The following PCLO variants were observed in gnomAD, a reference collection of about 807,000 sequenced individuals.
The protein encoded by PCLO is protein piccolo.
In PCLO, 82 loss-of-function variants were observed where a neutral mutation model predicts 427.5. That is an observed-to-expected ratio of 0.19 (90% CI 0.16 to 0.23). PCLO has a LOEUF of 0.23. Among genes scored for constraint, PCLO ranks in the 10% least tolerant of loss-of-function variants. The probability of loss-of-function intolerance (pLI) is 1.00; values close to 1 mark genes in which losing one functional copy is unlikely to be tolerated. For missense variants in PCLO, 6,239 were observed against 6,115.9 expected (o/e 1.02, Z -0.67); for synonymous variants, 2,357 against 2,155.4 (o/e 1.09, Z -2.59).
intron 3 of PCLO, among the ~76,000 whole-genome samples, chr7:83,061,658 T>C (rs941779593): frequency 1.3e-5 from 2 of 152,286 alleles, no homozygotes; most frequent in Non-Finnish European, 1.5e-5. Context: ...CCCTTTCTAG[T>C]ATAGGTAAGT....
At chr7:82,931,260 A>C (rs1237516841) in intron 6 of PCLO, among the ~76,000 whole-genome samples, 1 of 152,186 alleles carries the variant, frequency 6.6e-6, no homozygotes, top group Non-Finnish European at 1.5e-5. Flanking sequence ...CATGGCATAT[A>C]AGATTTGAAT....
At chr7:82,827,499 T>C (rs1030658080) in intron 17 of PCLO, among the ~76,000 whole-genome samples, 1 of 152,046 alleles carries the variant, frequency 6.6e-6, no homozygotes, top group Admixed American at 6.6e-5. Context: ...CACTGAATCT[T>C]ATTTTTTTTG....
At chr7:82,773,038 A>G (rs1790678181) in intron 22 of PCLO, among the ~76,000 whole-genome samples, 1 of 152,168 alleles carries the variant, frequency 6.6e-6, no homozygotes, top group South Asian at 2.1e-4. Context: ...GTCTCCTTCC[A>G]GAAAGCAGTC....
intron 1 of PCLO, 136 bp downstream of exon 1, chr7:83,162,209 T>C (rs1228406757): frequency 1.2e-5 from 12 of 1,025,492 alleles, no homozygotes; most frequent in Admixed American, 2.8e-5. Flanking sequence ...GATCTCTCTA[T>C]GGCCACCCCA....
chr7:82,904,332 C>T (rs1427398878), intron 8 of PCLO, among the ~76,000 whole-genome samples: 1 of 151,624 alleles, frequency 6.6e-6, no homozygotes, highest in Non-Finnish European at 1.5e-5. Context: ...CTCTCTGTTA[C>T]TTTTTGCCCT....
chr7:83,003,456 T>C (rs1408091675), intron 3 of PCLO, among the ~76,000 whole-genome samples: 1 of 151,774 alleles, frequency 6.6e-6, no homozygotes, highest in Non-Finnish European at 1.5e-5. Flanking sequence ...TATAGTAGAA[T>C]CATTGCTAAA....
At chr7:83,094,352 G>T (rs1486926438) in intron 3 of PCLO, among the ~76,000 whole-genome samples, 1 of 151,914 alleles carries the variant, frequency 6.6e-6, no homozygotes, top group African/African-American at 2.4e-5. Context: ...GGGACTACAG[G>T]TGTGCGCCAC....
intron 3 of PCLO, among the ~76,000 whole-genome samples, chr7:82,976,395 T>C (rs377589092): frequency 2.6e-5 from 4 of 152,284 alleles, no homozygotes; most frequent in African/African-American, 9.6e-5. Context: ...AGCAATCACT[T>C]AACCAGCTTT....
chr7:82,864,077 T>C (rs1023256959), intron 10 of PCLO, among the ~76,000 whole-genome samples: 8 of 152,098 alleles, frequency 5.3e-5, no homozygotes, highest in Non-Finnish European at 1.2e-4. Flanking sequence ...TCATTCCTCA[T>C]CTAAGTTATT....
In PCLO at chr7:82,953,283, G is replaced by A; in HGVS notation, c.7670C>T (p.Pro2557Leu). 6.2e-7 allele frequency: 1 copy of A among 1,613,788 alleles called. No individual in the cohort carries two copies. The highest frequency in any genetic ancestry group is 8.5e-7 in the Non-Finnish European group (1 of 1,179,836). ...VTSADYKLPS[P>L]TSPLSPHSNK... ...GGAGTGTGGGGAAAGTGGGGAGGTAGGGGAAGGCAATTTATAATCTGCTGA... is the reference window on the plus strand; with the variant it reads ...GGAGTGTGGGGAAAGTGGGGAGGTAAGGGAAGGCAATTTATAATCTGCTGA... The change falls in exon 5 of 25, where the codon CCT becomes CTT. Residue 2557 changes from proline (P) to leucine (L), a missense_variant. This residue lies in a region of PCLO where 4,677 missense variants were observed against 4,468.4 expected (regional missense o/e 1.05). Coordinates refer to ENST00000333891, the MANE Select transcript of PCLO (RefSeq NM_033026.6).
intron 3 of PCLO, among the ~76,000 whole-genome samples, chr7:83,061,299 A>G (rs1229957152): frequency 6.6e-6 from 1 of 152,166 alleles, no homozygotes; most frequent in Admixed American, 6.5e-5. Flanking sequence ...GGGTCTCTCT[A>G]CAACATGGGA....
chr7:82,889,847 T>C (rs1793715648), intron 9 of PCLO, among the ~76,000 whole-genome samples: 1 of 152,102 alleles, frequency 6.6e-6, no homozygotes, highest in Non-Finnish European at 1.5e-5. Context: ...GGGCAATTTA[T>C]ACCATATTAA....
At chr7:82,870,320 C>T (rs1793202201) in intron 10 of PCLO, among the ~76,000 whole-genome samples, 4 of 151,860 alleles carry the variant, frequency 2.6e-5, no homozygotes, top group Admixed American at 2.6e-4. Flanking sequence ...AACAAAGGCA[C>T]AAAGAATATA....
chr7:82,760,915 G>T, intron 23 of PCLO, 131 bp from the exon 24 acceptor site: 1 of 206,112 alleles, frequency 4.9e-6, no homozygotes, highest in Non-Finnish European at 9.9e-6. Context: ...ATTTGTTTCA[G>T]ATAACATAAA....
At position 82,952,996 on chromosome 7, in the gene PCLO, C is replaced by T. The variant is rs746213484; in HGVS notation, c.7957G>A (p.Val2653Ile). Residue 2653 changes from valine (V) to isoleucine (I), a missense_variant, in exon 5 of 25, where the codon GTC becomes ATC. Physicochemically the swap from Val to Ile is conservative, Grantham distance 29. Coordinates refer to ENST00000333891, the MANE Select transcript of PCLO (RefSeq NM_033026.6). ...GALQTFSATP[V>I]TAPSSFQAAP... The stretch of plus-strand genomic sequence containing the variant: ...GCTTGAAATGAAGAGGGTGCTGTGA[C>T]AGGGGTAGCAGAAAATGTCTGTAAA... 22 of 1,613,818 alleles carry T rather than the reference C, an allele frequency of 1.4e-5. No individual in the cohort carries two copies. In the East Asian group the frequency reaches 4.7e-4, roughly 34 times the overall value.
chr7:83,138,447 G>A (rs1040141927), intron 2 of PCLO, among the ~76,000 whole-genome samples: 22 of 152,128 alleles, frequency 1.4e-4, no homozygotes, highest in Admixed American at 9.8e-4. Flanking sequence ...GATCTCCTGA[G>A]GTCAGGAGTT....
chr7:82,824,216 C>T lies in PCLO; in HGVS notation c.14596+20G>A. 1 of 1,550,192 alleles carries T rather than the reference C, an allele frequency of 6.5e-7. No individual in the cohort carries two copies. The highest frequency in any genetic ancestry group is 8.7e-7 in the Non-Finnish European group (1 of 1,145,122). On this transcript the variant is annotated intron_variant, in intron 19 of 24. Transcript: ENST00000333891. ...ACAAATAGACACAAAACTTTTTCTA[C>T]TTAAAAAAATATTTCCTACCCTTTG...
chr7:82,982,311 A>G (rs772335690), intron 3 of PCLO, among the ~76,000 whole-genome samples: 2 of 152,116 alleles, frequency 1.3e-5, no homozygotes, highest in Non-Finnish European at 2.9e-5. Context: ...ACTCATATAG[A>G]GTGGGGGATG....
intron 3 of PCLO, among the ~76,000 whole-genome samples, chr7:83,030,860 T>C (rs1583931805): frequency 1.3e-5 from 2 of 152,136 alleles, no homozygotes; most frequent in Non-Finnish European, 2.9e-5. Context: ...GAATTGGGAG[T>C]AAAGACCTTT....
Sources: gnomAD v4.1 joint callset for allele counts (sites outside exome capture counted in the v4.1 genomes callset) on GRCh38, gnomAD v4.1.1 for gene constraint, gnomAD v4.1.1 regional missense constraint, MANE v1.5 for transcripts, NCBI Gene and HGNC (gene_info 2026-07-23, HGNC 2026-07-21) for gene names.